Variants in DENND4A observed in about 807,000 individuals in gnomAD.
DENND4A encodes C-myc promoter-binding protein.
In DENND4A, 70 loss-of-function variants were observed where a neutral mutation model predicts 199.3. The ratio of observed to expected loss-of-function variants is 0.35; its 90% CI spans 0.29 to 0.43. The LOEUF is 0.43. DENND4A is among the 20% of genes least tolerant of loss of function. DENND4A has a pLI of 1.00. For missense variants in DENND4A, 1,723 were observed against 2,255.8 expected (o/e 0.76, Z 4.78); for synonymous variants, 686 against 766.9 (o/e 0.89, Z 1.74).
chr15:65,676,662 CTTGTACATTTA>C (rs765106521), intron 23 of DENND4A, 28 bp from the exon 24 acceptor site: 1 of 1,556,632 alleles, frequency 6.4e-7, no homozygotes, highest in South Asian at 1.2e-5. Context: ...AGCTTAATTT[CTTGTACATTTA>C]AAGGTAATTA....
At chr15:65,717,210 C>T (rs1021305136) in intron 13 of DENND4A, among the ~76,000 whole-genome samples, 12 of 151,768 alleles carry the variant, frequency 7.9e-5, no homozygotes, top group African/African-American at 1.9e-4. Flanking sequence ...GCCTAGCATT[C>T]GGAGGTACTC....
chr15:65,668,210 CTTTT>C, intron 27 of DENND4A, 87 bp from the exon 28 acceptor site: 143 of 670,840 alleles, frequency 2.1e-4, no homozygotes, highest in East Asian at 2.9e-4. Flanking sequence ...CTCTCTCTCT[CTTTT>C]TTTTTTTTTT....
intron 7 of DENND4A, among the ~76,000 whole-genome samples, chr15:65,737,317 C>T (rs1596560655): frequency 6.6e-6 from 1 of 152,192 alleles, no homozygotes; most frequent in East Asian, 1.9e-4. Context: ...CCTTGGCTTC[C>T]CAAAGTGCTG....
intron 2 of DENND4A, among the ~76,000 whole-genome samples, chr15:65,759,292 T>C (rs1259569949): frequency 6.6e-6 from 1 of 152,034 alleles, no homozygotes; most frequent in Non-Finnish European, 1.5e-5. Context: ...GCCTGGCCAA[T>C]ATGGTGAAAC....
At chr15:65,776,391 G>C (rs1214448037) in intron 1 of DENND4A, among the ~76,000 whole-genome samples, 2 of 152,156 alleles carry the variant, frequency 1.3e-5, no homozygotes, top group South Asian at 2.1e-4. Flanking sequence ...AAAAAAGGGA[G>C]ACATTTTTAG....
rs371626371 is a variant in DENND4A, at chr15:65,702,888, G to T, written c.2208C>A (p.Phe736Leu). Reference sequence around the variant, plus strand: ...GATAAAGTACCTGTTTTGTTCTTCTGAACATGGGCAAAGGGCTATTAGGAC... The same window carrying T: ...GATAAAGTACCTGTTTTGTTCTTCTTAACATGGGCAAAGGGCTATTAGGAC... ...SSSPNSPLPM[F>L]RRTKQEIKSA... is the part of the protein sequence containing the mutation. The change falls in exon 16 of 33, where the codon TTC becomes TTA. Residue 736 changes from phenylalanine to leucine, a missense_variant. By Grantham distance (22) the Phe-to-Leu change is conservative (BLOSUM62 0). Around this residue, in one of 6 missense-constraint regions of DENND4A, gnomAD observed 725 missense variants for 952.9 expected, o/e 0.76. Coordinates refer to ENST00000443035, the MANE Select transcript of DENND4A (RefSeq NM_001320835.1). 6.2e-7 allele frequency: 1 copy of T among 1,611,254 alleles called. No individual in the cohort carries two copies. The highest frequency in any genetic ancestry group is 1.7e-5 in the Admixed American group (1 of 59,406).
At position 65,738,873 on chromosome 15, in the gene DENND4A, G is replaced by A. The variant is rs779588280; in HGVS notation, c.634C>T (p.Leu212=). ...TCTTCTTGAGGATATCTACAAATTA[G>A]GCCTATAAAAACAACAATAAATATT... ...KTNTVSYKAG[L]ICRYPQEDYE... The change falls in exon 6 of 33, where the codon CTA becomes TTA. Residue 212 remains leucine (L), a splice_region_variant and synonymous_variant. Coordinates refer to ENST00000443035, the MANE Select transcript of DENND4A (RefSeq NM_001320835.1). 8.9e-6 allele frequency: 14 copies of A among 1,565,040 alleles called. No individual in the cohort carries two copies. The highest frequency in any genetic ancestry group is 2.2e-4 in the Middle Eastern group (1 of 4,552).
chr15:65,777,436 T>A (rs934285556), intron 1 of DENND4A, among the ~76,000 whole-genome samples: 4 of 151,704 alleles, frequency 2.6e-5, no homozygotes, highest in African/African-American at 9.7e-5. Context: ...CACTGCAACC[T>A]CCACCTCCCA....
In DENND4A at chr15:65,752,399, T is replaced by C; in HGVS notation, c.541A>G (p.Lys181Glu). Residue 181 changes from lysine (K) to glutamate (E), a missense_variant, in exon 4 of 33, where the codon AAG becomes GAG. Transcript: ENST00000443035. ...CTTACCATACTGTTATTGAGATTCT[T>C]GTCGACTTTGCAGAACGTGTGTGGT... ...SPPHTFCKVD[K>E]NLNNSMWGSA... is the part of the protein sequence containing the mutation. 1 of 1,610,742 alleles carries C rather than the reference T, an allele frequency of 6.2e-7. No homozygotes were observed. The highest frequency in any genetic ancestry group is 1.1e-5 in the South Asian group (1 of 90,674).
intron 15 of DENND4A, among the ~76,000 whole-genome samples, chr15:65,704,899 CTTAGAG>C (rs1216483915): frequency 7.9e-5 from 12 of 152,044 alleles, no homozygotes; most frequent in Non-Finnish European, 1.2e-4. Flanking sequence ...GCCAAATTTT[CTTAGAG>C]TTAAAGGACT....
In DENND4A at chr15:65,676,528, G is replaced by A. The variant is rs753986324; in HGVS notation, c.4286C>T (p.Ser1429Phe). 17 of 1,613,734 alleles carry A rather than the reference G, an allele frequency of 1.1e-5. No homozygotes were observed. Among genetic ancestry groups the A allele is most frequent in the Non-Finnish European group, 1.3e-5 (15 of 1,179,764 alleles). Residue 1429 changes from serine to phenylalanine, a missense_variant, in exon 24 of 33, where the codon TCC (serine) becomes TTC (phenylalanine). By Grantham distance (155) the Ser-to-Phe change is radical (BLOSUM62 -2). This residue lies in a region of DENND4A where 650 missense variants were observed against 738.1 expected (regional missense o/e 0.88). Transcript: ENST00000443035. The part of the protein sequence containing the change: ...DVCHELEGPI[S>F]SQETSATSGT... ...TGAAGTAGCACTGGTCTCTTGAGAGGAGATAGGTCCTTCCAACTCATGGCA... is the reference window on the plus strand; with the variant it reads ...TGAAGTAGCACTGGTCTCTTGAGAGAAGATAGGTCCTTCCAACTCATGGCA...
At chr15:65,726,519 A>G (rs2075807861) in intron 11 of DENND4A, among the ~76,000 whole-genome samples, 1 of 152,200 alleles carries the variant, frequency 6.6e-6, no homozygotes, top group Non-Finnish European at 1.5e-5. Context: ...TGCATAAAAT[A>G]TATTTCATAT....
rs1022023522 is a variant in DENND4A at position 65,792,187 on chromosome 15, C to T, written c.-279G>A. On this transcript the variant is annotated 5_prime_UTR_variant, in exon 1 of 33. Transcript: ENST00000443035. ...CCCCCGCCCGCCCGCCCAGGCCTGC[C>T]GTCTCAGTCAGACGGGACTCCCCCT... is the stretch of plus-strand genomic sequence containing the variant. The T allele has an allele frequency of 6.6e-6, 1 of 151,948 alleles. No individual in the cohort carries two copies. Among genetic ancestry groups the T allele is most frequent in the African/African-American group, 2.4e-5 (1 of 41,224 alleles). 9.4% of individuals were successfully genotyped at this position (151,948 alleles called of 1,614,324 possible). A position where few individuals can be genotyped will look rare whatever the true frequency, so the allele number is the denominator to read the frequency against.
At chr15:65,785,945 C>T (rs1438995800) in intron 1 of DENND4A, among the ~76,000 whole-genome samples, 1 of 152,012 alleles carries the variant, frequency 6.6e-6, no homozygotes, top group Non-Finnish European at 1.5e-5. Flanking sequence ...AAAAAACTTA[C>T]AAATCAGTAA....
intron 13 of DENND4A, among the ~76,000 whole-genome samples, chr15:65,717,297 G>A (rs28602458): frequency 0.2 from 30,158 of 151,984 alleles, 4,023 homozygotes; most frequent in East Asian, 0.73. Context: ...TTATAAAACC[G>A]GTTGCACTCC....
intron 21 of DENND4A, 117 bp from the exon 22 acceptor site, chr15:65,696,614 T>C (rs989756292): frequency 1.7e-5 from 11 of 654,860 alleles, no homozygotes; most frequent in African/African-American, 1.3e-4. Flanking sequence ...CAAGAAAATA[T>C]TGAACACCTC....
intron 24 of DENND4A, among the ~76,000 whole-genome samples, chr15:65,674,111 ATGCAAATGCTGGCCC>A (rs1227888026): frequency 1.3e-5 from 2 of 152,196 alleles, no homozygotes; most frequent in Non-Finnish European, 2.9e-5. Context: ...TATCAGCCAA[ATGCAAATGCTGGCCC>A]TGTATGGACC....
Position 65,660,339 on chromosome 15 carries a change from G to A in DENND4A, c.*1512C>T, listed in dbSNP as rs1415727593. 2.0e-6 allele frequency: 3 copies of A among 1,530,304 alleles called. No individual in the cohort carries two copies. The highest frequency in any genetic ancestry group is 2.6e-6 in the Non-Finnish European group (3 of 1,142,554). The allele number at this position is 1,530,304 out of a possible 1,614,324, so 94.8% of individuals were successfully genotyped here. A position where few individuals can be genotyped will look rare whatever the true frequency, so the allele number is the denominator to read the frequency against. On this transcript the variant is annotated 3_prime_UTR_variant, in exon 33 of 33. Coordinates refer to ENST00000443035, the MANE Select transcript of DENND4A (RefSeq NM_001320835.1). ...TTCACTAATGGTGTGAACTCAAAAGGTGGGTTTTCTGCAGCTGAACTGATT... is the reference window on the plus strand; with the variant it reads ...TTCACTAATGGTGTGAACTCAAAAGATGGGTTTTCTGCAGCTGAACTGATT...
rs562066670 is a variant in DENND4A at position 65,736,072 on chromosome 15, A to G, written c.1040+1635T>C. Among the ~76,000 whole-genome samples the G allele has an allele frequency of 1.2e-3, 188 of 152,262 alleles. 2 individuals are homozygous for G. The highest frequency in any genetic ancestry group is 4.3e-3 in the African/African-American group (180 of 41,546). Reference sequence around the variant, plus strand: ...CTTGAAAGCTTCCTAATGCTCAAAAACTTTTCTAAGATGGGGGTGATATTA... The same window carrying G: ...CTTGAAAGCTTCCTAATGCTCAAAAGCTTTTCTAAGATGGGGGTGATATTA... On this transcript the variant is annotated intron_variant, in intron 7 of 32. Transcript: ENST00000443035.
Sources: allele counts gnomAD v4.1 joint callset (sites outside exome capture counted in the v4.1 genomes callset), GRCh38; gene constraint gnomAD v4.1.1; regional missense constraint gnomAD v4.1.1; transcripts MANE v1.5; gene names NCBI Gene and HGNC (gene_info 2026-07-23, HGNC 2026-07-21).